Variants in PCTP observed in about 807,000 individuals in gnomAD.
PCTP encodes the protein START domain-containing protein 2.
Under a neutral mutation model 31.0 loss-of-function variants are expected in PCTP, and 27 were observed. The observed-to-expected ratio is 0.87, with a 90% CI of 0.64 to 1.20. PCTP has a LOEUF of 1.20. Ranked by LOEUF, PCTP falls within the 50% of genes most tolerant of loss-of-function variation. The pLI is 0.00. For missense variants in PCTP, 287 were observed against 268.2 expected, an observed-to-expected ratio of 1.07 and a Z score of -0.49; for synonymous variants, 108 against 101.2, an observed-to-expected ratio of 1.07 and a Z score of -0.40.
intron 5 of PCTP, among the ~76,000 whole-genome samples, chr17:55,833,681 C>T (rs1378255492): frequency 6.6e-6 from 1 of 152,294 alleles, no homozygotes; most frequent in Middle Eastern, 3.4e-3. Flanking sequence ...TTTTGCAAGC[C>T]TTCTAGGTGA....
At chr17:55,778,194 T>G (rs953792649), downstream of PCTP, among the ~76,000 whole-genome samples, 6 of 142,470 alleles carry the variant, frequency 4.2e-5, no homozygotes, top group African/African-American at 1.6e-4. Context: ...TCTTGAGCTA[T>G]AGTAAGTGCC....
At chr17:55,793,509 C>T (rs1912077674) in intron 3 of PCTP, among the ~76,000 whole-genome samples, 1 of 152,094 alleles carries the variant, frequency 6.6e-6, no homozygotes, top group African/African-American at 2.4e-5. Flanking sequence ...AAAACCACTT[C>T]CTACAGAGAG....
intron 1 of PCTP, among the ~76,000 whole-genome samples, chr17:55,766,838 C>A (rs1394432949): frequency 6.6e-6 from 1 of 152,026 alleles, no homozygotes; most frequent in Non-Finnish European, 1.5e-5. Flanking sequence ...AATCGCCACA[C>A]TGACTTCCAC....
intron 3 of PCTP, among the ~76,000 whole-genome samples, chr17:55,800,798 A>G (rs1035794549): frequency 3.9e-5 from 6 of 152,100 alleles, no homozygotes; most frequent in Admixed American, 2.6e-4. Context: ...GTGACCTTCA[A>G]TAGGATTTCT....
At chr17:55,751,594 G>T in intron 1 of PCTP, 8 of 886,214 alleles carry the variant, frequency 9.0e-6, no homozygotes, top group Non-Finnish European at 1.1e-5. Flanking sequence ...TCCAATGCGT[G>T]TCAGTGGCAT....
intron 5 of PCTP, chr17:55,775,334 G>A (rs1911270143): frequency 2.4e-6 from 3 of 1,231,122 alleles, no homozygotes; most frequent in Non-Finnish European, 3.0e-6. Context: ...GTGGTAGTTT[G>A]TATCACTAGA....
At chr17:55,752,849 G>C (rs1409992675) in intron 1 of PCTP, among the ~76,000 whole-genome samples, 1 of 152,216 alleles carries the variant, frequency 6.6e-6, no homozygotes, top group Non-Finnish European at 1.5e-5. Flanking sequence ...TAATTTCTTA[G>C]GGTAACTTTA....
downstream of PCTP, among the ~76,000 whole-genome samples, chr17:55,779,329 A>G (rs986501369): frequency 2.0e-5 from 3 of 152,238 alleles, no homozygotes; most frequent in African/African-American, 7.2e-5. Flanking sequence ...TGTCAAAAAA[A>G]GGGCAGTAAC....
chr17:55,765,924 C>T lies in PCTP; in HGVS notation c.142-1411C>T, dbSNP rs374860161. On this transcript the variant is annotated intron_variant, in intron 1 of 5. Transcript: ENST00000268896. ...CTGAGGACCTTCCTTCTACCAGGAA[C>T]GGGCTTTTCCTATCTTCCTATGGCT... Among the ~76,000 whole-genome samples the T allele has an allele frequency of 4.5e-4, 68 of 152,252 alleles. 1 individual carries two copies. The East Asian group carries it at 8.9e-3, about 20-fold the overall frequency.
chr17:55,764,729 G>T (rs2912556), intron 1 of PCTP, among the ~76,000 whole-genome samples: 1 of 152,010 alleles, frequency 6.6e-6, no homozygotes, highest in Non-Finnish European at 1.5e-5. Flanking sequence ...GATTCAGCAT[G>T]TTTATTCCTT....
intron 5 of PCTP, among the ~76,000 whole-genome samples, chr17:55,838,804 G>A (rs1210331460): frequency 6.6e-6 from 1 of 152,158 alleles, no homozygotes; most frequent in Non-Finnish European, 1.5e-5. Context: ...TCAAAGAAGT[G>A]TACTTATCGG....
intron 5 of PCTP, among the ~76,000 whole-genome samples, chr17:55,839,868 C>A: frequency 7.6e-6 from 1 of 131,868 alleles, no homozygotes; most frequent in South Asian, 2.5e-4. Context: ...TGCAGTGAGC[C>A]GAGATCCCGC....
Position 55,791,411 on chromosome 17 carries a change from C to T in PCTP, c.317+3757C>T, listed in dbSNP as rs1465724047. ...AAATTTTCGCAACCTACTCATCTGA[C>T]AAAGGGCTAATATCCAGAATCTACA... is the stretch of plus-strand genomic sequence containing the variant. On this transcript the variant is annotated intron_variant, in intron 3 of 3. Coordinates refer to the PCTP transcript ENST00000572536. Among the ~76,000 whole-genome samples the T allele has an allele frequency of 2.3e-3, 337 of 146,362 alleles. 1 individual carries two copies. The highest frequency in any genetic ancestry group is 7.6e-3 in the African/African-American group (303 of 39,774).
chr17:55,790,727 G>A (rs968111260), intron 3 of PCTP, among the ~76,000 whole-genome samples: 1 of 150,470 alleles, frequency 6.6e-6, no homozygotes, highest in Non-Finnish European at 1.5e-5. Flanking sequence ...TGGCCATACT[G>A]CCCAAGGTAA....
At chr17:55,781,255 C>G (rs62078571), downstream of PCTP, among the ~76,000 whole-genome samples, 21,587 of 152,262 alleles carry the variant, frequency 0.14, 1,596 homozygotes, top group Middle Eastern at 0.19. Flanking sequence ...ACATCTCTAT[C>G]TGCCTCCCGT....
intron 3 of PCTP, among the ~76,000 whole-genome samples, chr17:55,788,442 T>G (rs1911829459): frequency 6.6e-6 from 1 of 152,218 alleles, no homozygotes; most frequent in African/African-American, 2.4e-5. Context: ...ATGGGGATTA[T>G]GTTATTTATT....
chr17:55,845,234 G>A (rs909687913), downstream of PCTP, among the ~76,000 whole-genome samples: 3 of 152,064 alleles, frequency 2.0e-5, no homozygotes, highest in East Asian at 5.8e-4. Flanking sequence ...TTAGCCTTCA[G>A]CTCAGCCAAT....
At chr17:55,775,878 GTCA>G (rs1205210251) in intron 5 of PCTP, 154 bp from the exon 6 acceptor site, 2 of 1,385,230 alleles carry the variant, frequency 1.4e-6, no homozygotes, top group Middle Eastern at 2.0e-4. Flanking sequence ...CCTACTTTTT[GTCA>G]TCATCTGCAA....
chr17:55,759,515 AT>A (rs1048776629), intron 1 of PCTP, among the ~76,000 whole-genome samples: 1 of 152,034 alleles, frequency 6.6e-6, no homozygotes, highest in Admixed American at 6.6e-5. Context: ...AAAAATACTT[AT>A]TTTTCATACC....
Sources: gnomAD v4.1 joint callset for allele counts (sites outside exome capture counted in the v4.1 genomes callset) on GRCh38, gnomAD v4.1.1 for gene constraint, MANE v1.5 for transcripts, NCBI Gene and HGNC (gene_info 2026-07-23, HGNC 2026-07-21) for gene names.